The following HS6ST3 variants were observed in gnomAD, a reference collection of about 807,000 sequenced individuals.
The protein encoded by HS6ST3 is heparan sulfate 6-O-sulfotransferase 3.
A neutral mutation model predicts 36.7 loss-of-function variants in HS6ST3; 12 were observed. The ratio of observed to expected loss-of-function variants is 0.33; its 90% CI spans 0.21 to 0.53. The LOEUF (loss-of-function observed/expected upper bound fraction) is 0.53. Among genes scored for constraint, HS6ST3 ranks in the 20% least tolerant of loss-of-function variants. HS6ST3 has a pLI of 0.95. For missense variants in HS6ST3, 584 were observed against 640.9 expected (o/e 0.91, Z 0.96); for synonymous variants, 240 against 257.5 (o/e 0.93, Z 0.65).
Position 96,284,903 on chromosome 13 carries a change from C to T in HS6ST3, c.707+193334C>T, listed in dbSNP as rs2054793266. Among the ~76,000 whole-genome samples, 4 of 148,350 alleles carry T rather than the reference C, an allele frequency of 2.7e-5. No homozygotes were observed. The South Asian group carries it at 8.7e-4, about 32-fold the overall frequency. Reference sequence around the variant, plus strand: ...TATCTTAGGGCTTTAAGATTGAATGCATATTTGCTTTCTTTCTTTCTTTCT... The same window carrying T: ...TATCTTAGGGCTTTAAGATTGAATGTATATTTGCTTTCTTTCTTTCTTTCT... On this transcript the variant is annotated intron_variant, in intron 1 of 1. Coordinates refer to ENST00000376705, the MANE Select transcript of HS6ST3 (RefSeq NM_153456.4).
chr13:96,831,341 A>C (rs1878775471), intron 1 of HS6ST3, among the ~76,000 whole-genome samples: 1 of 152,216 alleles, frequency 6.6e-6, no homozygotes, highest in Admixed American at 6.5e-5. Flanking sequence ...ATACATAGAA[A>C]TTACAATGTA....
At chr13:96,196,785 C>T (rs1163474464) in intron 1 of HS6ST3, among the ~76,000 whole-genome samples, 1 of 152,232 alleles carries the variant, frequency 6.6e-6, no homozygotes, top group Non-Finnish European at 1.5e-5. Context: ...TTCTGTCCTT[C>T]TCTTTCTTTG....
intron 1 of HS6ST3, among the ~76,000 whole-genome samples, chr13:96,559,080 ATCTATCT>A (rs2056251928): frequency 4.2e-5 from 1 of 23,554 alleles, no homozygotes; most frequent in Non-Finnish European, 9.7e-5. Flanking sequence ...TAATCTATCT[ATCTATCT>A]ATCTATCTAT....
chr13:96,173,191 ATT>A (rs1594703668), intron 1 of HS6ST3, among the ~76,000 whole-genome samples: 1 of 152,160 alleles, frequency 6.6e-6, no homozygotes, highest in East Asian at 1.9e-4. Flanking sequence ...TAAATATGTC[ATT>A]TTAGATAGTC....
chr13:96,105,380 A>G (rs1372653609), intron 1 of HS6ST3, among the ~76,000 whole-genome samples: 1 of 152,154 alleles, frequency 6.6e-6, no homozygotes, highest in East Asian at 1.9e-4. Context: ...GCCAGGCACA[A>G]TGGCTCACAC....
intron 1 of HS6ST3, among the ~76,000 whole-genome samples, chr13:96,742,341 G>T (rs1371892346): frequency 6.6e-6 from 1 of 151,972 alleles, no homozygotes; most frequent in Admixed American, 6.6e-5. Context: ...AATCTCAATG[G>T]ATACATGGCC....
At chr13:96,541,189 C>T (rs2056176108) in intron 1 of HS6ST3, among the ~76,000 whole-genome samples, 1 of 152,084 alleles carries the variant, frequency 6.6e-6, no homozygotes, top group Non-Finnish European at 1.5e-5. Flanking sequence ...CCCGCTGCCA[C>T]CCCACCTGGC....
intron 1 of HS6ST3, among the ~76,000 whole-genome samples, chr13:96,165,872 G>A (rs1250052228): frequency 2.6e-5 from 4 of 152,058 alleles, no homozygotes; most frequent in African/African-American, 9.7e-5. Context: ...GGCAGGGTAC[G>A]GTGTTTTGGC....
chr13:96,331,902 G>A (rs1048520034), intron 1 of HS6ST3, among the ~76,000 whole-genome samples: 7 of 152,132 alleles, frequency 4.6e-5, no homozygotes, highest in African/African-American at 1.2e-4. Context: ...TTTTTAAGCC[G>A]GTCTGAAAAG....
intron 1 of HS6ST3, among the ~76,000 whole-genome samples, chr13:96,296,607 A>G (rs2054856104): frequency 6.6e-6 from 1 of 152,260 alleles, no homozygotes; most frequent in Non-Finnish European, 1.5e-5. Context: ...TTATAAAATT[A>G]ACAAAATAAT....
intron 1 of HS6ST3, among the ~76,000 whole-genome samples, chr13:96,331,715 G>T (rs1162343229): frequency 6.6e-6 from 1 of 152,150 alleles, no homozygotes; most frequent in Non-Finnish European, 1.5e-5. Flanking sequence ...CCACCCAGTT[G>T]GAGCTTCCCG....
intron 1 of HS6ST3, among the ~76,000 whole-genome samples, chr13:96,488,240 A>G (rs1421779452): frequency 6.6e-6 from 1 of 151,964 alleles, no homozygotes; most frequent in Admixed American, 6.6e-5. Context: ...TTTGCTATTT[A>G]TATTTTCTCC....
intron 1 of HS6ST3, among the ~76,000 whole-genome samples, chr13:96,413,368 A>T (rs907028189): frequency 6.6e-6 from 1 of 152,230 alleles, no homozygotes; most frequent in African/African-American, 2.4e-5. Context: ...AAAGCAAATT[A>T]TTTTATCTTT....
intron 1 of HS6ST3, among the ~76,000 whole-genome samples, chr13:96,106,104 A>T (rs1274341946): frequency 6.6e-6 from 1 of 152,236 alleles, no homozygotes; most frequent in Non-Finnish European, 1.5e-5. Flanking sequence ...TTTTGATTCA[A>T]TATAAAATTT....
At chr13:96,222,270 TA>T (rs1007810726) in intron 1 of HS6ST3, among the ~76,000 whole-genome samples, 116 of 151,908 alleles carry the variant, frequency 7.6e-4, no homozygotes, top group Middle Eastern at 3.4e-3. Flanking sequence ...AGACAAAGAA[TA>T]AAAAAAAGCC....
intron 1 of HS6ST3, chr13:96,573,747 A>G: frequency 3.0e-6 from 1 of 329,134 alleles, no homozygotes; most frequent in Non-Finnish European, 5.9e-6. Context: ...AGCCGTCCCC[A>G]GCCCTAGGTC....
intron 1 of HS6ST3, among the ~76,000 whole-genome samples, chr13:96,221,388 G>C (rs2054454697): frequency 6.6e-6 from 1 of 152,154 alleles, no homozygotes; most frequent in South Asian, 2.1e-4. Context: ...GGTATTCCCA[G>C]CTATAGAATT....
intron 1 of HS6ST3, among the ~76,000 whole-genome samples, chr13:96,339,875 A>G (rs2055121438): frequency 6.6e-6 from 1 of 152,244 alleles, no homozygotes; most frequent in African/African-American, 2.4e-5. Context: ...TGTTAACCAC[A>G]AGACTTTAGA....
intron 1 of HS6ST3, among the ~76,000 whole-genome samples, chr13:96,731,917 A>G (rs1324165525): frequency 1.3e-5 from 2 of 152,054 alleles, no homozygotes; most frequent in Non-Finnish European, 2.9e-5. Context: ...CCATCTCCCA[A>G]AGTGCTGGGA....
Sources: gnomAD v4.1 joint callset for allele counts (sites outside exome capture counted in the v4.1 genomes callset) on GRCh38, gnomAD v4.1.1 for gene constraint, MANE v1.5 for transcripts, NCBI Gene and HGNC (gene_info 2026-07-23, HGNC 2026-07-21) for gene names.